SMCO3: variants seen among roughly 807,000 people sequenced by gnomAD.
SMCO3 encodes single-pass membrane protein with coiled-coil domains 3.
SMCO3 carries 6 observed loss-of-function variants against 12.0 expected under a neutral mutation model. The ratio of observed to expected loss-of-function variants is 0.50; its 90% CI spans 0.27 to 0.99. The LOEUF (loss-of-function observed/expected upper bound fraction) is 0.99. SMCO3 is among the 50% of genes least tolerant of loss of function. The pLI is 0.11. For synonymous variants in SMCO3, 96 were observed against 96.4 expected, an observed-to-expected ratio of 1.00 and a Z score of 0.02; for missense variants, 279 against 265.0, an observed-to-expected ratio of 1.05 and a Z score of -0.37.
At chr12:14,807,961 T>G (rs1950079217) in intron 1 of SMCO3, among the ~76,000 whole-genome samples, 1 of 151,204 alleles carries the variant, frequency 6.6e-6, no homozygotes, top group African/African-American at 2.4e-5. Context: ...AGGCCAGGAG[T>G]TCAAGACCAG....
chr12:14,807,570 G>A (rs1950072898), intron 1 of SMCO3, among the ~76,000 whole-genome samples: 1 of 152,156 alleles, frequency 6.6e-6, no homozygotes, highest in Non-Finnish European at 1.5e-5. Flanking sequence ...CTACAGGCAA[G>A]TTATTTGTTT....
At chr12:14,812,959 G>C (rs1373705775) in intron 1 of SMCO3, among the ~76,000 whole-genome samples, 2 of 152,106 alleles carry the variant, frequency 1.3e-5, no homozygotes, top group Non-Finnish European at 2.9e-5. Context: ...AGAAGTTCTT[G>C]CCTATTTGGA....
intron 1 of SMCO3, among the ~76,000 whole-genome samples, chr12:14,807,905 C>A (rs748613596): frequency 2.6e-5 from 4 of 152,202 alleles, no homozygotes; most frequent in Non-Finnish European, 5.9e-5. Context: ...GTGGCTCAGG[C>A]CTGTAATCCC....
chr12:14,813,182 A>G (rs1203198599), intron 1 of SMCO3, among the ~76,000 whole-genome samples: 2 of 152,228 alleles, frequency 1.3e-5, no homozygotes, highest in Non-Finnish European at 2.9e-5. Flanking sequence ...CAAATAAAAA[A>G]GAAAGAAAAA....
At position 14,806,091 on chromosome 12, in the gene SMCO3, T is replaced by C; in HGVS notation, c.590A>G (p.Lys197Arg). The C allele has an allele frequency of 6.2e-7, 1 of 1,614,228 alleles. No homozygotes were observed. Among genetic ancestry groups the C allele is most frequent in the Non-Finnish European group, 8.5e-7 (1 of 1,180,040 alleles). ...QLQAAIKSYE[K>R]HLVEFKSASE... ...GGCTGATTTGAACTCCACCAGATGCTTCTCATAACTTTTGATGGCTGCTTG... is the reference window on the plus strand; with the variant it reads ...GGCTGATTTGAACTCCACCAGATGCCTCTCATAACTTTTGATGGCTGCTTG... Residue 197 changes from lysine to arginine, a missense_variant, in exon 2 of 2, where the codon AAG becomes AGG. Transcript: ENST00000316048.
At position 14,806,521 on chromosome 12, in the gene SMCO3, T is replaced by A; in HGVS notation, c.160A>T (p.Ile54Phe). 1.9e-6 allele frequency: 3 copies of A among 1,614,148 alleles called. No individual in the cohort carries two copies. Among genetic ancestry groups the A allele is most frequent in the Non-Finnish European group, 2.5e-6 (3 of 1,180,022 alleles). The change falls in exon 2 of 2, where the codon ATT becomes TTT. Residue 54 changes from isoleucine to phenylalanine, a missense_variant. By Grantham distance (21) the Ile-to-Phe change is conservative. Transcript: ENST00000316048. ...NMHLGCRLASIEMKRDGTIKE... is the reference protein window; with the variant it reads ...NMHLGCRLASFEMKRDGTIKE... ...ATGGTCCCATCTCTTTTCATCTCAATGGAGGCCAGCCTGCACCCCAAGTGC... is the reference window on the plus strand; with the variant it reads ...ATGGTCCCATCTCTTTTCATCTCAAAGGAGGCCAGCCTGCACCCCAAGTGC...
intron 1 of SMCO3, among the ~76,000 whole-genome samples, chr12:14,808,519 T>C (rs937000010): frequency 1.3e-5 from 2 of 152,234 alleles, no homozygotes; most frequent in African/African-American, 4.8e-5. Context: ...ACGGTTCTTA[T>C]TCTGCTTAAG....
At position 14,805,845 on chromosome 12, in the gene SMCO3, A is replaced by T; in HGVS notation, c.*158T>A. The T allele has an allele frequency of 1.3e-6, 1 of 748,798 alleles. No homozygotes were observed. Among genetic ancestry groups the T allele is most frequent in the Non-Finnish European group, 2.1e-6 (1 of 472,544 alleles). 46.4% of individuals were successfully genotyped at this position (748,798 alleles called of 1,614,324 possible). ...GGCATTGTTGACTCAAAACTCATCTAGTCATCTAGTCTTGGCATCTCCAGT... is the reference window on the plus strand; with the variant it reads ...GGCATTGTTGACTCAAAACTCATCTTGTCATCTAGTCTTGGCATCTCCAGT... On this transcript the variant is annotated 3_prime_UTR_variant, in exon 2 of 2. Transcript: ENST00000316048.
At chr12:14,812,338 G>A (rs1324322370) in intron 1 of SMCO3, among the ~76,000 whole-genome samples, 1 of 152,204 alleles carries the variant, frequency 6.6e-6, no homozygotes, top group Non-Finnish European at 1.5e-5. Context: ...CAGCTACTTG[G>A]GAGGCTGAGG....
chr12:14,807,655 G>A lies in SMCO3; in HGVS notation c.-16-959C>T, dbSNP rs368580043. On this transcript the variant is annotated intron_variant, in intron 1 of 1. Transcript: ENST00000316048. ...TTTAACAAATTTTTTCTTGTGATAA[G>A]AGTATATATTCAAGACTCTTTGGAT... is the stretch of plus-strand genomic sequence containing the variant. Among the ~76,000 whole-genome samples the A allele has an allele frequency of 2.0e-4, 31 of 152,252 alleles. 1 individual carries two copies. Among genetic ancestry groups the A allele is most frequent in the African/African-American group, 7.2e-4 (30 of 41,538 alleles).
rs113954887 is a variant in SMCO3 at position 14,810,878 on chromosome 12, G to A, written c.-17+3248C>T. ...CTCCACTCAGCAAAACAAAAGCCCT[G>A]CAATTATTTGGAGTCACCCTTCTTA... On this transcript the variant is annotated intron_variant, in intron 1 of 1. Coordinates refer to ENST00000316048, the MANE Select transcript of SMCO3 (RefSeq NM_001013698.2). 7.5e-3 allele frequency among the ~76,000 whole-genome samples: 1,146 copies of A among 152,234 alleles called. 18 individuals carry two copies. Among genetic ancestry groups the A allele is most frequent in the African/African-American group, 0.027 (1,105 of 41,550 alleles).
intron 1 of SMCO3, among the ~76,000 whole-genome samples, chr12:14,808,508 T>C (rs1485046136): frequency 1.3e-5 from 2 of 152,220 alleles, no homozygotes; most frequent in Admixed American, 1.3e-4. Flanking sequence ...CTTCTAGCAC[T>C]ACGGTTCTTA....
At chr12:14,809,766 A>G (rs1482910751) in intron 1 of SMCO3, among the ~76,000 whole-genome samples, 1 of 152,214 alleles carries the variant, frequency 6.6e-6, no homozygotes, top group African/African-American at 2.4e-5. Context: ...CCAATGTAAA[A>G]AGAACTGAAA....
Position 14,806,247 on chromosome 12 carries a change from A to G in SMCO3, c.434T>C (p.Ile145Thr). The change falls in exon 2 of 2, where the codon ATT (isoleucine) becomes ACT (threonine). Residue 145 changes from isoleucine to threonine, a missense_variant. Transcript: ENST00000316048. ...AGCTAACACAGTGACCAACTTGTTA[A>G]TTATGCCAGTTGTGACATTTGAGCC... ...LVGSNVTTGI[I>T]NKLVTVLAQI... is the part of the protein sequence containing the mutation. 1.2e-6 allele frequency: 2 copies of G among 1,614,214 alleles called. No individual in the cohort carries two copies. The highest frequency in any genetic ancestry group is 1.7e-6 in the Non-Finnish European group (2 of 1,180,036).
Position 14,806,280 on chromosome 12 carries a change from T to C in SMCO3, c.401A>G (p.Lys134Arg), listed in dbSNP as rs780879666. The change falls in exon 2 of 2, where the codon AAA (lysine) becomes AGA (arginine). Residue 134 changes from lysine (K) to arginine (R), a missense_variant. By Grantham distance (26) the Lys-to-Arg change is conservative (BLOSUM62 2). Transcript: ENST00000316048. ...ATSAASAVAV[K>R]LVGSNVTTGI... ...AGTTGTGACATTTGAGCCCACAAGT[T>C]TAACAGCGACTGCACTGGCTGCAGA... is the stretch of plus-strand genomic sequence containing the variant. 1 of 1,614,232 alleles carries C rather than the reference T, an allele frequency of 6.2e-7. No individual in the cohort carries two copies. The highest frequency in any genetic ancestry group is 1.1e-5 in the South Asian group (1 of 91,090).
intron 1 of SMCO3, 61 bp downstream of exon 1, chr12:14,814,065 C>T (rs1235770249): frequency 6.6e-6 from 1 of 152,156 alleles, no homozygotes; most frequent in Admixed American, 6.5e-5. Flanking sequence ...ATTCAAATTC[C>T]TCCTACTACT....
intron 1 of SMCO3, among the ~76,000 whole-genome samples, chr12:14,811,136 C>A (rs1950129507): frequency 6.6e-6 from 1 of 152,198 alleles, no homozygotes; most frequent in South Asian, 2.1e-4. Flanking sequence ...TTTGAATTGT[C>A]ACATGATGGT....
At chr12:14,813,941 G>C (rs1950179391) in intron 1 of SMCO3, among the ~76,000 whole-genome samples, 185 bp downstream of exon 1, 1 of 152,142 alleles carries the variant, frequency 6.6e-6, no homozygotes, top group South Asian at 2.1e-4. Flanking sequence ...TTCAGAGAAG[G>C]CACCAGGAAA....
intron 1 of SMCO3, among the ~76,000 whole-genome samples, chr12:14,808,055 A>G (rs1429108620): frequency 6.6e-6 from 1 of 152,080 alleles, no homozygotes; most frequent in Non-Finnish European, 1.5e-5. Flanking sequence ...AATCCCAGCT[A>G]CTCTGGAGAC....
Sources: allele counts gnomAD v4.1 joint callset (sites outside exome capture counted in the v4.1 genomes callset), GRCh38; gene constraint gnomAD v4.1.1; transcripts MANE v1.5; gene names NCBI Gene and HGNC (gene_info 2026-07-23, HGNC 2026-07-21).